Variants in NFATC3 observed in about 807,000 individuals in gnomAD.
NFATC3 encodes the protein nuclear factor of activated T-cells, cytoplasmic 3.
A neutral mutation model predicts 98.6 loss-of-function variants in NFATC3; 46 were observed. That is an observed-to-expected ratio of 0.47 (90% confidence interval 0.37 to 0.60). The LOEUF (loss-of-function observed/expected upper bound fraction) is 0.60, where lower values mean the gene tolerates loss of function less well. Among genes scored for constraint, NFATC3 ranks in the 20% least tolerant of loss-of-function variants. The probability of loss-of-function intolerance (pLI) is 0.00; values close to 1 mark genes in which losing one functional copy is unlikely to be tolerated. For synonymous variants in NFATC3, 512 were observed against 472.2 expected, an observed-to-expected ratio of 1.08 and a Z score of -1.09; for missense variants, 1,256 against 1,295.5, an observed-to-expected ratio of 0.97 and a Z score of 0.47.
intron 4 of NFATC3, among the ~76,000 whole-genome samples, chr16:68,163,764 G>T (rs1432203796): frequency 6.6e-6 from 1 of 151,778 alleles, no homozygotes; most frequent in Non-Finnish European, 1.5e-5. Context: ...ATCCCAGACG[G>T]GGCGGTGGGG....
intron 3 of NFATC3, among the ~76,000 whole-genome samples, chr16:68,130,079 A>G (rs1490055342): frequency 6.6e-6 from 1 of 152,172 alleles, no homozygotes; most frequent in Non-Finnish European, 1.5e-5. Flanking sequence ...TTGGTTCCAT[A>G]TCTTGGCCGT....
intron 3 of NFATC3, among the ~76,000 whole-genome samples, chr16:68,148,254 G>T (rs1364853699): frequency 6.6e-6 from 1 of 152,122 alleles, no homozygotes; most frequent in African/African-American, 2.4e-5. Flanking sequence ...GACCTCGGGT[G>T]ATCCACCTGC....
At chr16:68,127,857 C>G (rs972109089) in intron 3 of NFATC3, among the ~76,000 whole-genome samples, 8 of 152,114 alleles carry the variant, frequency 5.3e-5, no homozygotes, top group Non-Finnish European at 1.0e-4. Flanking sequence ...CTTTTCTACT[C>G]TTTACCTCCT....
chr16:68,122,100 GT>G lies in NFATC3; in HGVS notation c.221del (p.Leu74CysfsTer27), dbSNP rs1381162943. Reference sequence around the variant, plus strand: ...TCATGGATTACCGTCTCACTCTTCTGTTTTGTCACCATCGTTTCAGCTCCAA... The same window carrying G: ...TCATGGATTACCGTCTCACTCTTCTGTTTGTCACCATCGTTTCAGCTCCAA... ...PHHGLPSHSS[V>X]LSPSFQLQSH... On this transcript the variant is annotated frameshift_variant, in exon 2 of 10. Transcript: ENST00000346183. LOFTEE classifies it high-confidence loss of function. 1 of 1,613,770 alleles carries G rather than the reference GT, an allele frequency of 6.2e-7. No homozygotes were observed. Among genetic ancestry groups the G allele is most frequent in the Admixed American group, 1.7e-5 (1 of 59,958 alleles).
intron 1 of NFATC3, among the ~76,000 whole-genome samples, chr16:68,098,523 A>G (rs2035165768): frequency 1.3e-5 from 2 of 152,150 alleles, no homozygotes; most frequent in African/African-American, 2.4e-5. Flanking sequence ...GATGGTCACA[A>G]TCTCCTGAGC....
intron 1 of NFATC3, among the ~76,000 whole-genome samples, chr16:68,112,699 C>G (rs112936931): frequency 7.0e-6 from 1 of 143,270 alleles, no homozygotes; most frequent in Non-Finnish European, 1.5e-5. Context: ...TCGCCCAGGC[C>G]GGACTGCGGA....
intron 1 of NFATC3, among the ~76,000 whole-genome samples, chr16:68,114,808 C>T (rs984091455): frequency 6.6e-6 from 1 of 152,050 alleles, no homozygotes; most frequent in Non-Finnish European, 1.5e-5. Context: ...CTCCTGATCT[C>T]GTGATCCGCC....
chr16:68,224,278 T>TC (rs1231455886), intron 9 of NFATC3, among the ~76,000 whole-genome samples: 1 of 147,590 alleles, frequency 6.8e-6, no homozygotes, highest in Non-Finnish European at 1.5e-5. Flanking sequence ...CCAAATCTTT[T>TC]TTTTTTTTTT....
At chr16:68,132,331 G>C (rs560869827) in intron 3 of NFATC3, among the ~76,000 whole-genome samples, 1 of 152,196 alleles carries the variant, frequency 6.6e-6, no homozygotes, top group Admixed American at 6.5e-5. Flanking sequence ...AAGAGATTCT[G>C]GTATAGTATA....
At chr16:68,225,182 C>A (rs569281235) in intron 9 of NFATC3, 1 of 152,176 alleles carries the variant, frequency 6.6e-6, no homozygotes. Context: ...AAACTCCCGA[C>A]CTCAGGTGAT....
chr16:68,087,228 A>G (rs1365281844), intron 1 of NFATC3, among the ~76,000 whole-genome samples: 1 of 152,236 alleles, frequency 6.6e-6, no homozygotes, highest in African/African-American at 2.4e-5. Context: ...TTTATTGGGC[A>G]CAAACTTGAT....
In NFATC3 at chr16:68,122,887, A is replaced by G. The variant is rs749642275; in HGVS notation, c.1004A>G (p.Asp335Gly). Residue 335 changes from aspartate to glycine, a missense_variant, in exon 2 of 10, where the codon GAC becomes GGC. Around this residue, in one of 3 missense-constraint regions of NFATC3, gnomAD observed 464 missense variants for 465.7 expected, o/e 1.00. Coordinates refer to ENST00000346183, the MANE Select transcript of NFATC3 (RefSeq NM_173165.3). ...CCATTTCAGTACTGTGTAGAGACTG[A>G]CATCCCTCTCAAAACAAGGAAAACT... Reference protein sequence around the residue: ...VFPFQYCVETDIPLKTRKTSE... With the variant: ...VFPFQYCVETGIPLKTRKTSE... The G allele has an allele frequency of 4.3e-6, 7 of 1,614,064 alleles. No homozygotes were observed. Among genetic ancestry groups the G allele is most frequent in the Non-Finnish European group, 5.9e-6 (7 of 1,180,030 alleles).
At chr16:68,214,555 C>CA in intron 9 of NFATC3, 1 of 728,778 alleles carries the variant, frequency 1.4e-6, no homozygotes, top group Non-Finnish European at 2.4e-6. Context: ...TAGGCCCACT[C>CA]ATTATCTTTG....
At chr16:68,191,863 C>G in intron 9 of NFATC3, 88 bp downstream of exon 9, 1 of 1,379,776 alleles carries the variant, frequency 7.2e-7, no homozygotes, top group Non-Finnish European at 1.0e-6. Flanking sequence ...CTATGGATTG[C>G]TTATTGGCAT....
intron 1 of NFATC3, among the ~76,000 whole-genome samples, chr16:68,111,875 C>T (rs924811663): frequency 4.3e-4 from 65 of 152,268 alleles, no homozygotes; most frequent in African/African-American, 1.5e-3. Flanking sequence ...TTCTCTTTCA[C>T]TTACGAAGCT....
chr16:68,109,910 A>T (rs2035855296), intron 1 of NFATC3, among the ~76,000 whole-genome samples: 1 of 152,082 alleles, frequency 6.6e-6, no homozygotes, highest in Admixed American at 6.6e-5. Context: ...CTGTGGGGTC[A>T]GTGGTGATAT....
At chr16:68,100,907 G>GGTGT (rs753839799) in intron 1 of NFATC3, among the ~76,000 whole-genome samples, 1,457 of 142,908 alleles carry the variant, frequency 0.01, 32 homozygotes, top group African/African-American at 0.033. Flanking sequence ...GTGTGTGTGG[G>GGTGT]GTGTGTGTGT....
intron 5 of NFATC3, among the ~76,000 whole-genome samples, chr16:68,171,533 G>A (rs571849222): frequency 4.0e-5 from 6 of 151,590 alleles, no homozygotes; most frequent in Non-Finnish European, 8.8e-5. Flanking sequence ...GAGTGCAATG[G>A]CATGATCTTG....
At chr16:68,137,959 T>G (rs1369868257) in intron 3 of NFATC3, among the ~76,000 whole-genome samples, 4 of 151,834 alleles carry the variant, frequency 2.6e-5, no homozygotes, top group Non-Finnish European at 4.4e-5. Context: ...GTTATCTCAT[T>G]TAATTCTCCA....
Sources: gnomAD v4.1 joint callset for allele counts (sites outside exome capture counted in the v4.1 genomes callset) on GRCh38, gnomAD v4.1.1 for gene constraint, gnomAD v4.1.1 regional missense constraint, MANE v1.5 for transcripts, NCBI Gene and HGNC (gene_info 2026-07-23, HGNC 2026-07-21) for gene names.